CDKL5: variants seen among roughly 807,000 people sequenced by gnomAD.
CDKL5 encodes cyclin dependent kinase like 5.
A neutral mutation model predicts 61.7 loss-of-function variants in CDKL5; 8 were observed. The observed-to-expected ratio is 0.13, with a 90% CI of 0.08 to 0.23. The LOEUF (loss-of-function observed/expected upper bound fraction) is 0.23, where lower values mean the gene tolerates loss of function less well. Among genes scored for constraint, CDKL5 ranks in the 10% least tolerant of loss-of-function variants. The pLI is 1.00. For missense variants in CDKL5, 440 were observed against 734.5 expected (o/e 0.60, Z 4.63); for synonymous variants, 275 against 272.3 (o/e 1.01, Z -0.10).
At chrX:18,434,230 A>G (rs1413882698) in intron 1 of CDKL5, among the ~76,000 whole-genome samples, 1 of 111,604 alleles carries the variant, frequency 9.0e-6, no homozygotes, top group African/African-American at 3.3e-5. Context: ...TTGGGTACAT[A>G]TAGGAGAGGA....
chrX:18,628,165 T>C (rs762213813), intron 17 of CDKL5, among the ~76,000 whole-genome samples: 2 of 111,889 alleles, frequency 1.8e-5, no homozygotes, highest in South Asian at 7.6e-4. Context: ...ATATGTCTTA[T>C]CTAGATTTCT....
chrX:18,482,677 G>GTT (rs751218896), intron 1 of CDKL5, among the ~76,000 whole-genome samples: 34 of 89,127 alleles, frequency 3.8e-4, no homozygotes, highest in African/African-American at 1.1e-3. Context: ...GTCAGTTCTT[G>GTT]TTTTTTTTTT....
intron 5 of CDKL5, among the ~76,000 whole-genome samples, chrX:18,576,806 G>GTT (rs753569295): frequency 1.1e-5 from 1 of 90,003 alleles, no homozygotes; most frequent in Admixed American, 1.2e-4. Context: ...AAAACTAAAA[G>GTT]TTTTTTTTTT....
intron 1 of CDKL5, among the ~76,000 whole-genome samples, chrX:18,493,525 G>A (rs1239674579): frequency 8.9e-6 from 1 of 112,339 alleles, no homozygotes; most frequent in Non-Finnish European, 1.9e-5. Flanking sequence ...CTAAATTTCA[G>A]CAATTCCATT....
At chrX:18,499,554 A>G (rs1922309898) in intron 1 of CDKL5, among the ~76,000 whole-genome samples, 1 of 110,413 alleles carries the variant, frequency 9.1e-6, no homozygotes. Context: ...CAGTAGAGAC[A>G]GGGTTTCACC....
At chrX:18,516,302 A>G (rs867092984) in intron 3 of CDKL5, among the ~76,000 whole-genome samples, 1 of 57,598 alleles carries the variant, frequency 1.7e-5, no homozygotes, top group Non-Finnish European at 3.3e-5. Flanking sequence ...TTTTTTTTTT[A>G]TTGCTAAACA....
At chrX:18,450,084 T>G (rs1931976725) in intron 1 of CDKL5, among the ~76,000 whole-genome samples, 1 of 112,372 alleles carries the variant, frequency 8.9e-6, no homozygotes, top group Non-Finnish European at 1.9e-5. Flanking sequence ...TGAGCCACTG[T>G]GCCCGGTCCC....
chrX:18,478,552 A>G (rs1913354285), intron 1 of CDKL5, among the ~76,000 whole-genome samples: 1 of 109,071 alleles, frequency 9.2e-6, no homozygotes, highest in Admixed American at 9.8e-5. Context: ...CGGCCTCCCA[A>G]AGTGTTGGGA....
At chrX:18,596,200 G>A (rs1456705623) in intron 10 of CDKL5, among the ~76,000 whole-genome samples, 1 of 111,379 alleles carries the variant, frequency 9.0e-6, no homozygotes, top group Non-Finnish European at 1.9e-5. Flanking sequence ...AGGTTACACT[G>A]TGCATAGAGC....
chrX:18,651,164 G>T (rs1928015152), intron 21 of CDKL5, among the ~76,000 whole-genome samples: 1 of 95,807 alleles, frequency 1.0e-5, no homozygotes, highest in Non-Finnish European at 2.1e-5. Flanking sequence ...AGAGAATGAG[G>T]CCAGCTTCAT....
Position 18,635,547 on chromosome X carries a change from A to G in CDKL5, c.*6790A>G. 1.3e-6 allele frequency: 1 copy of G among 751,860 alleles called. No homozygotes were observed. The allele number at this position is 751,860 out of a possible 1,213,427, so 62.0% of individuals were successfully genotyped here. On this transcript the variant is annotated 3_prime_UTR_variant, in exon 18 of 18. Transcript: ENST00000623535. ...CCTTTGAGGTTGTAATCAGTTTGAG[A>G]CAGAAATTAATGTAAAACTAGGCAA...
At chrX:18,532,578 A>G (rs981814407) in intron 3 of CDKL5, among the ~76,000 whole-genome samples, 1 of 112,042 alleles carries the variant, frequency 8.9e-6, no homozygotes, top group East Asian at 2.8e-4. Flanking sequence ...TTTATTTTCA[A>G]TTAACCTTGA....
intron 9 of CDKL5, among the ~76,000 whole-genome samples, chrX:18,593,539 C>T (rs1211072788): frequency 9.0e-6 from 1 of 111,122 alleles, no homozygotes; most frequent in Non-Finnish European, 1.9e-5. Flanking sequence ...CCAGTAACAT[C>T]GAAGGGAGCC....
rs185616557 is a variant in CDKL5 at position 18,558,881 on chromosome X, A to T, written c.100-5596A>T. Among the ~76,000 whole-genome samples the T allele has an allele frequency of 6.6e-3, 743 of 112,698 alleles. 8 individuals carry two copies. The highest frequency in any genetic ancestry group is 0.022 in the African/African-American group (693 of 31,042). The stretch of plus-strand genomic sequence containing the variant: ...GAAGCAAAGAAGGATTGGAAAAAGC[A>T]TGTACCATCCTAGGATTCGGAGTCC... On this transcript the variant is annotated intron_variant, in intron 3 of 17. Coordinates refer to ENST00000623535, the MANE Select transcript of CDKL5 (RefSeq NM_001323289.2).
rs528800542 is a variant in CDKL5, at chrX:18,606,174, TCACACACACACA to T, written c.1944+1331_1944+1342del. Reference sequence around the variant, plus strand: ...TCAGCCTGGTGACAGAGCAAGACTGTCACACACACACACACACACACACACACACACACACAA... The same window carrying T: ...TCAGCCTGGTGACAGAGCAAGACTGTCACACACACACACACACACACACAA... On this transcript the variant is annotated intron_variant, in intron 12 of 17. Coordinates refer to ENST00000623535, the MANE Select transcript of CDKL5 (RefSeq NM_001323289.2). Among the ~76,000 whole-genome samples the T allele has an allele frequency of 8.4e-3, 813 of 96,880 alleles. 1 individual carries two copies. The highest frequency in any genetic ancestry group is 0.012 in the Non-Finnish European group (575 of 47,388). The allele number at this position is 96,880 out of a possible 115,157, so 84.1% of individuals were successfully genotyped here.
chrX:18,603,847 T>A, intron 11 of CDKL5, 55 bp from the exon 12 acceptor site: 3 of 1,180,433 alleles, frequency 2.5e-6, no homozygotes, highest in Admixed American at 4.3e-5. Flanking sequence ...TAACAATACT[T>A]TTTGTGTGTC....
chrX:18,518,385 C>CTT (rs1195931109), intron 3 of CDKL5, among the ~76,000 whole-genome samples: 20 of 22,780 alleles, frequency 8.8e-4, no homozygotes, highest in African/African-American at 2.6e-3. Context: ...CTTTTCTTTT[C>CTT]TTATTTTTTT....
intron 1 of CDKL5, among the ~76,000 whole-genome samples, chrX:18,497,116 C>G (rs926343999): frequency 1.8e-5 from 2 of 110,053 alleles, no homozygotes; most frequent in African/African-American, 6.6e-5. Context: ...CCTCAGCCTC[C>G]CGAGTAGCTG....
In CDKL5 at chrX:18,425,652, C is replaced by T. The variant is rs976046654; in HGVS notation, c.-206C>T. The T allele has an allele frequency of 8.9e-6, 1 of 112,507 alleles. No individual in the cohort carries two copies. Among genetic ancestry groups the T allele is most frequent in the Non-Finnish European group, 1.9e-5 (1 of 53,252 alleles). The allele number at this position is 112,507 out of a possible 1,213,427, so 9.3% of individuals were successfully genotyped here. On this transcript the variant is annotated 5_prime_UTR_variant, in exon 1 of 18. Coordinates refer to ENST00000623535, the MANE Select transcript of CDKL5 (RefSeq NM_001323289.2). ...GAAGGTAAAGCGGCGACGGCGTCCT[C>T]AGGAGCTGTGGGGTCCCCTGCTAGA...
Sources: gnomAD v4.1 joint callset for allele counts (sites outside exome capture counted in the v4.1 genomes callset) on GRCh38, gnomAD v4.1.1 for gene constraint, MANE v1.5 for transcripts, NCBI Gene and HGNC (gene_info 2026-07-23, HGNC 2026-07-21) for gene names.